NT5DC3: variants seen among roughly 807,000 people sequenced by gnomAD.
The protein encoded by NT5DC3 is 5'-nucleotidase domain containing 3, also known as 5'-nucleotidase domain-containing protein 3.
In NT5DC3, 42 loss-of-function variants were observed where a neutral mutation model predicts 67.8. The observed-to-expected ratio is 0.62, with a 90% CI of 0.48 to 0.80. The LOEUF (loss-of-function observed/expected upper bound fraction) is 0.80, where lower values mean the gene tolerates loss of function less well. Among genes scored for constraint, NT5DC3 ranks in the 30% least tolerant of loss-of-function variants. The probability of loss-of-function intolerance (pLI) is 0.00; values close to 1 mark genes in which losing one functional copy is unlikely to be tolerated. For missense variants in NT5DC3, 570 were observed against 696.4 expected, an observed-to-expected ratio of 0.82 and a Z score of 2.04; for synonymous variants, 237 against 255.6, an observed-to-expected ratio of 0.93 and a Z score of 0.69.
intron 1 of NT5DC3, among the ~76,000 whole-genome samples, chr12:103,826,055 A>T (rs1277390151): frequency 1.3e-5 from 2 of 152,354 alleles, no homozygotes; most frequent in East Asian, 3.9e-4. Flanking sequence ...TGTTTGGCAC[A>T]GTGCTTGGCT....
At chr12:103,820,000 G>T (rs1887426777) in intron 1 of NT5DC3, among the ~76,000 whole-genome samples, 1 of 152,150 alleles carries the variant, frequency 6.6e-6, no homozygotes, top group South Asian at 2.1e-4. Context: ...ACTATTCTAG[G>T]AACCTCATAG....
At chr12:103,811,251 A>T (rs1286133231) in intron 2 of NT5DC3, among the ~76,000 whole-genome samples, 1 of 141,106 alleles carries the variant, frequency 7.1e-6, no homozygotes, top group African/African-American at 2.6e-5. Context: ...CTAAAAGAAA[A>T]TGCAATACAA....
At chr12:103,750,277 A>G in the NT5DC3 span, among the ~76,000 whole-genome samples, 1 of 152,196 alleles carries the variant, frequency 6.6e-6, no homozygotes, top group Non-Finnish European at 1.5e-5. Context: ...GAGCACAAGG[A>G]GCCCTGTGAA....
At chr12:103,782,485 C>T (rs1381033225) in intron 12 of NT5DC3, among the ~76,000 whole-genome samples, 8 of 152,238 alleles carry the variant, frequency 5.3e-5, no homozygotes, top group Admixed American at 1.3e-4. Flanking sequence ...ATACTGTCCA[C>T]GGCTGCTTTT....
At chr12:103,825,606 G>A (rs575930636) in intron 1 of NT5DC3, among the ~76,000 whole-genome samples, 59 of 152,200 alleles carry the variant, frequency 3.9e-4, no homozygotes, top group African/African-American at 1.4e-3. Flanking sequence ...AGCCTGCGGA[G>A]CAAATCAAAA....
the NT5DC3 span, among the ~76,000 whole-genome samples, chr12:103,761,047 C>G: frequency 6.6e-6 from 1 of 152,194 alleles, no homozygotes; most frequent in Non-Finnish European, 1.5e-5. Context: ...CTTCTGATCA[C>G]TCATCTGTCA....
At chr12:103,749,785 A>C in the NT5DC3 span, among the ~76,000 whole-genome samples, 2 of 133,988 alleles carry the variant, frequency 1.5e-5, no homozygotes, top group Non-Finnish European at 3.1e-5. Flanking sequence ...GCTTGCAGTG[A>C]GCCGAGATCG....
chr12:103,764,094 CA>C, the NT5DC3 span, among the ~76,000 whole-genome samples: 2 of 151,976 alleles, frequency 1.3e-5, 1 homozygote, highest in South Asian at 4.2e-4. Context: ...GCTGGGATTA[CA>C]GGCGCATACC....
rs1885205387 is a variant in NT5DC3, at chr12:103,772,333, A to C, written c.*5496T>G. 1 of 152,552 alleles carries C rather than the reference A, an allele frequency of 6.6e-6. No homozygotes were observed. Among genetic ancestry groups the C allele is most frequent in the Non-Finnish European group, 1.5e-5 (1 of 68,046 alleles). 9.4% of individuals were successfully genotyped at this position (152,552 alleles called of 1,614,324 possible). ...GATACAATTCAAACTTTTATTTGGC[A>C]ATAAGTTCAGAGTCACATAACACAT... is the stretch of plus-strand genomic sequence containing the variant. On this transcript the variant is annotated 3_prime_UTR_variant, in exon 14 of 14. Transcript: ENST00000392876.
At chr12:103,769,123 C>T (rs1885128049), downstream of NT5DC3, among the ~76,000 whole-genome samples, 1 of 152,166 alleles carries the variant, frequency 6.6e-6, no homozygotes, top group South Asian at 2.1e-4. Context: ...CCCCAACACA[C>T]ACACACAAAC....
At chr12:103,800,707 C>T (rs1033452359) in intron 4 of NT5DC3, among the ~76,000 whole-genome samples, 9 of 152,220 alleles carry the variant, frequency 5.9e-5, no homozygotes, top group African/African-American at 1.2e-4. Flanking sequence ...GCAGCCTCAA[C>T]CAGCGTTGAA....
At chr12:103,812,260 C>T (rs1247745205) in intron 2 of NT5DC3, among the ~76,000 whole-genome samples, 1 of 152,190 alleles carries the variant, frequency 6.6e-6, no homozygotes, top group Non-Finnish European at 1.5e-5. Flanking sequence ...TCTACAACTA[C>T]ACAAAGTGCA....
chr12:103,788,784 T>C, intron 10 of NT5DC3, 54 bp downstream of exon 10: 1 of 1,155,166 alleles, frequency 8.7e-7, no homozygotes, highest in African/African-American at 1.5e-5. Context: ...GCTATTAGCA[T>C]TATTACCGAC....
chr12:103,755,658 A>G, the NT5DC3 span: 2 of 1,614,134 alleles, frequency 1.2e-6, no homozygotes, highest in East Asian at 4.5e-5. Flanking sequence ...ATGGCTTCTC[A>G]TGCAGTGGGA....
the NT5DC3 span, chr12:103,755,763 G>A: frequency 6.2e-7 from 1 of 1,600,644 alleles, no homozygotes; most frequent in Non-Finnish European, 8.6e-7. Flanking sequence ...GGGAGGGGTT[G>A]CCTCAAAGCA....
At chr12:103,808,361 G>C (rs1334161166) in intron 2 of NT5DC3, among the ~76,000 whole-genome samples, 1 of 152,224 alleles carries the variant, frequency 6.6e-6, no homozygotes, top group Admixed American at 6.5e-5. Flanking sequence ...CCTGAGTCTA[G>C]AGAGGCAACA....
chr12:103,812,981 AG>A (rs1887099944), intron 2 of NT5DC3, among the ~76,000 whole-genome samples: 3 of 152,236 alleles, frequency 2.0e-5, no homozygotes, highest in Admixed American at 2.0e-4. Flanking sequence ...AGAGGAATTG[AG>A]TGAGTCAATC....
rs116627818 is a variant in NT5DC3, at chr12:103,800,868, A to G, written c.525-2191T>C. 3.1e-3 allele frequency among the ~76,000 whole-genome samples: 468 copies of G among 152,250 alleles called. 4 individuals are homozygous for G. The highest frequency in any genetic ancestry group is 0.011 in the African/African-American group (443 of 41,542). On this transcript the variant is annotated intron_variant, in intron 4 of 13. Transcript: ENST00000392876. ...AAGTAATTTATCCCTTTTGGGTCTC[A>G]AAGTCTTCATTCTTAAAGCAGAGAA...
chr12:103,789,442 CAAACA>C (rs1885943244), intron 9 of NT5DC3, among the ~76,000 whole-genome samples: 8 of 138,220 alleles, frequency 5.8e-5, no homozygotes, highest in Non-Finnish European at 1.6e-5. Flanking sequence ...AAAACAAAAA[CAAACA>C]AAAAAAAGAA....
Sources: gnomAD v4.1 joint callset for allele counts (sites outside exome capture counted in the v4.1 genomes callset) on GRCh38, gnomAD v4.1.1 for gene constraint, MANE v1.5 for transcripts, NCBI Gene and HGNC (gene_info 2026-07-23, HGNC 2026-07-21) for gene names.